Variants in CYTH3 observed in about 807,000 individuals in gnomAD.
CYTH3 encodes cytohesin-3.
Under a neutral mutation model 55.1 loss-of-function variants are expected in CYTH3, and 23 were observed. The observed-to-expected ratio is 0.42, with a 90% CI of 0.30 to 0.59. The LOEUF (loss-of-function observed/expected upper bound fraction) is 0.59. Ranked by LOEUF, CYTH3 falls within the 20% of genes least tolerant of loss-of-function variation. The pLI is 0.20. For synonymous variants in CYTH3, 249 were observed against 194.9 expected (o/e 1.28, Z -2.31); for missense variants, 413 against 524.8 (o/e 0.79, Z 2.08).
Position 6,170,986 on chromosome 7 carries a change from G to A in CYTH3, c.563-8C>T. On this transcript the variant is annotated splice_region_variant and splice_polypyrimidine_tract_variant and intron_variant, in intron 7 of 12. Coordinates refer to ENST00000350796, the MANE Select transcript of CYTH3 (RefSeq NM_004227.4). The surrounding 1 kb of genome is among the most constrained non-coding windows in gnomAD (Gnocchi z 7.8). ...ACAGCACGTAGCACGTGTCTGCAAC[G>A]AGTCCGGGGTGCTGGGCTCAGCCAG... 4.3e-6 allele frequency: 7 copies of A among 1,613,484 alleles called. No homozygotes were observed. Among genetic ancestry groups the A allele is most frequent in the East Asian group, 2.2e-5 (1 of 44,870 alleles).
At chr7:6,177,153 T>C (rs942134978) in intron 5 of CYTH3, among the ~76,000 whole-genome samples, 1 of 152,232 alleles carries the variant, frequency 6.6e-6, no homozygotes, top group Non-Finnish European at 1.5e-5. Flanking sequence ...TTGGTTTGGG[T>C]ATCAGGTAGT....
intron 1 of CYTH3, among the ~76,000 whole-genome samples, chr7:6,254,225 T>C (rs777239194): frequency 1.6e-4 from 24 of 151,328 alleles, no homozygotes; most frequent in Non-Finnish European, 2.9e-4. Context: ...TGATAAAAGA[T>C]AACTAAATAG....
intron 6 of CYTH3, chr7:6,172,967 A>G (rs1349984767): frequency 8.9e-7 from 1 of 1,126,810 alleles, no homozygotes. Flanking sequence ...ATGAAGCCGA[A>G]GATTTGAGAA....
intron 1 of CYTH3, among the ~76,000 whole-genome samples, chr7:6,201,325 C>T (rs1784054740): frequency 1.3e-5 from 2 of 152,224 alleles, no homozygotes; most frequent in South Asian, 4.1e-4. Context: ...GCTGCAGGGG[C>T]AGGCAGGAAA....
At position 6,177,848 on chromosome 7, in the gene CYTH3, C is replaced by A; in HGVS notation, c.343G>T (p.Val115Phe). The change falls in exon 5 of 13, where the codon GTC becomes TTC. Residue 115 changes from valine to phenylalanine, a missense_variant. Val to Phe is a conservative substitution (Grantham distance 50). Coordinates refer to ENST00000350796, the MANE Select transcript of CYTH3 (RefSeq NM_004227.4). ...CTTTCACCCAGGTAGTCCCCAATGA[C>A]GGTCTTATTTAGGCCTTCTCCTTTA... ...LYKGEGLNKT[V>F]IGDYLGERDE... The A allele has an allele frequency of 6.2e-7, 1 of 1,614,066 alleles. No homozygotes were observed. Among genetic ancestry groups the A allele is most frequent in the Non-Finnish European group, 8.5e-7 (1 of 1,179,912 alleles).
intron 1 of CYTH3, among the ~76,000 whole-genome samples, chr7:6,254,449 T>C (rs181537102): frequency 2.0e-5 from 3 of 152,336 alleles, no homozygotes; most frequent in East Asian, 3.9e-4. Context: ...AAAAGCGTTA[T>C]GATGTTTGTA....
intron 1 of CYTH3, among the ~76,000 whole-genome samples, chr7:6,195,267 CA>C (rs1783897085): frequency 6.6e-6 from 1 of 152,022 alleles, no homozygotes; most frequent in Admixed American, 6.6e-5. Flanking sequence ...GTAAACATGG[CA>C]AAGCAAAAAA....
At chr7:6,242,583 G>A (rs548599369) in intron 1 of CYTH3, among the ~76,000 whole-genome samples, 1 of 151,660 alleles carries the variant, frequency 6.6e-6, no homozygotes, top group African/African-American at 2.4e-5. Flanking sequence ...CACCATATTG[G>A]CCAGGCTGGT....
chr7:6,179,654 CCACA>C (rs1194274719), intron 4 of CYTH3, among the ~76,000 whole-genome samples: 4 of 113,628 alleles, frequency 3.5e-5, no homozygotes, highest in Non-Finnish European at 7.3e-5. Context: ...ACCCCACACC[CCACA>C]CACACCCCAC....
chr7:6,168,039 C>T (rs1227470810), intron 9 of CYTH3, among the ~76,000 whole-genome samples: 2 of 152,194 alleles, frequency 1.3e-5, no homozygotes, highest in African/African-American at 4.8e-5. Flanking sequence ...TTTCTGGCCA[C>T]ACCACACAGC....
At chr7:6,236,016 G>T (rs1280038868) in intron 1 of CYTH3, among the ~76,000 whole-genome samples, 1 of 152,052 alleles carries the variant, frequency 6.6e-6, no homozygotes, top group Non-Finnish European at 1.5e-5. Context: ...GCCAATTCAC[G>T]AAGTCACACA....
intron 1 of CYTH3, among the ~76,000 whole-genome samples, chr7:6,220,292 G>T (rs971107040): frequency 6.6e-6 from 1 of 151,992 alleles, no homozygotes; most frequent in East Asian, 1.9e-4. Context: ...CTATTCATAG[G>T]CAAAAGAATG....
chr7:6,245,988 C>A (rs2115041773), intron 1 of CYTH3, among the ~76,000 whole-genome samples: 1 of 152,242 alleles, frequency 6.6e-6, no homozygotes, highest in South Asian at 2.1e-4. Context: ...GGATTATCTC[C>A]CATTAACCCT....
chr7:6,222,311 T>C (rs1784570329), intron 1 of CYTH3, among the ~76,000 whole-genome samples: 1 of 152,230 alleles, frequency 6.6e-6, no homozygotes, highest in Admixed American at 6.5e-5. Context: ...CGATAATGCC[T>C]AACTCTGTCT....
chr7:6,190,949 T>C (rs1312101675), intron 1 of CYTH3, among the ~76,000 whole-genome samples: 1 of 151,826 alleles, frequency 6.6e-6, no homozygotes, highest in African/African-American at 2.4e-5. Context: ...TGGTGACGCA[T>C]GCCTGTAATC....
At chr7:6,242,375 AT>A (rs10525625) in intron 1 of CYTH3, among the ~76,000 whole-genome samples, 32,058 of 105,724 alleles carry the variant, frequency 0.3, 5,690 homozygotes, top group East Asian at 0.71. Context: ...CGCGCCTGGC[AT>A]TTTTTTTTTT....
At chr7:6,176,077 A>T (rs1425461700) in intron 5 of CYTH3, among the ~76,000 whole-genome samples, 3 of 151,958 alleles carry the variant, frequency 2.0e-5, no homozygotes, top group African/African-American at 7.3e-5. Flanking sequence ...ATGCTTTTCC[A>T]TTTATTTAGG....
At position 6,164,829 on chromosome 7, in the gene CYTH3, C is replaced by A. The variant is rs1297721543; in HGVS notation, c.*115G>T. ...ACCTGGGCCACGGTATGCTCTGGAG[C>A]AGCAGCTTGCACCGCAGGGCGACTG... On this transcript the variant is annotated 3_prime_UTR_variant, in exon 13 of 13. Coordinates refer to ENST00000350796, the MANE Select transcript of CYTH3 (RefSeq NM_004227.4). The A allele has an allele frequency of 8.7e-7, 1 of 1,155,986 alleles. No individual in the cohort carries two copies. The highest frequency in any genetic ancestry group is 1.3e-6 in the Non-Finnish European group (1 of 777,178). The allele number at this position is 1,155,986 out of a possible 1,614,324, so 71.6% of individuals were successfully genotyped here.
intron 4 of CYTH3, among the ~76,000 whole-genome samples, chr7:6,182,182 A>G (rs1783520960): frequency 6.6e-6 from 1 of 151,844 alleles, no homozygotes; most frequent in South Asian, 2.1e-4. Context: ...CGAGTAGCTG[A>G]GATTACAGGT....
Sources: allele counts gnomAD v4.1 joint callset (sites outside exome capture counted in the v4.1 genomes callset), GRCh38; gene constraint gnomAD v4.1.1; non-coding constraint Gnocchi (gnomAD v3.1); transcripts MANE v1.5; gene names NCBI Gene and HGNC (gene_info 2026-07-23, HGNC 2026-07-21).